OTUD7A: variants seen among roughly 807,000 people sequenced by gnomAD.
OTUD7A encodes OTU domain-containing protein 7A.
Under a neutral mutation model 65.7 loss-of-function variants are expected in OTUD7A, and 12 were observed. The ratio of observed to expected loss-of-function variants is 0.18; its 90% CI spans 0.12 to 0.30. The LOEUF (loss-of-function observed/expected upper bound fraction) is 0.30. OTUD7A is among the 10% of genes least tolerant of loss of function. The probability of loss-of-function intolerance (pLI) is 1.00; values close to 1 mark genes in which losing one functional copy is unlikely to be tolerated. For missense variants in OTUD7A, 1,148 were observed against 1,304.8 expected (o/e 0.88, Z 1.85); for synonymous variants, 641 against 586.3 (o/e 1.09, Z -1.35).
chr15:31,557,926 T>C lies in OTUD7A; in HGVS notation c.550+1043A>G, dbSNP rs1242446079. On this transcript the variant is annotated intron_variant, in intron 5 of 12. Coordinates refer to ENST00000307050, the MANE Select transcript of OTUD7A (RefSeq NM_001382637.1). ...CCCTAAACTCCTGGGATGACACATC[T>C]GGGGACGTCTCCACGGACCAAGCCT... is the stretch of plus-strand genomic sequence containing the variant. 2.6e-5 allele frequency: 4 copies of C among 151,400 alleles called. No individual in the cohort carries two copies. In the Admixed American group the frequency reaches 2.6e-4, roughly 10 times the overall value. The allele number at this position is 151,400 out of a possible 1,614,324, so 9.4% of individuals were successfully genotyped here.
rs951853888 is a variant in OTUD7A at position 31,632,562 on chromosome 15, CG to C, written c.151+22533del. On this transcript the variant is annotated intron_variant, in intron 3 of 12. Transcript: ENST00000307050. ...GGGGGTGCCTCCCAGTTAGGCTGCT[CG>C]GGGGTCAAGGACCCACTTGAGGAGG... 7.2e-5 allele frequency among the ~76,000 whole-genome samples: 11 copies of C among 152,350 alleles called. No homozygotes were observed. The East Asian group carries it at 1.9e-3, about 27-fold the overall frequency.
intron 8 of OTUD7A, among the ~76,000 whole-genome samples, chr15:31,504,594 G>C (rs897494164): frequency 2.6e-5 from 4 of 152,246 alleles, no homozygotes; most frequent in African/African-American, 9.6e-5. Context: ...GGCTGCACCT[G>C]CAGTGCCTGC....
intron 8 of OTUD7A, 64 bp from the exon 9 acceptor site, chr15:31,503,882 G>A: frequency 6.3e-7 from 1 of 1,591,522 alleles, no homozygotes; most frequent in Non-Finnish European, 8.6e-7. Context: ...GAGAAAGTGG[G>A]GACTGCTTCA....
At chr15:31,743,244 T>C (rs1894389003) in intron 1 of OTUD7A, among the ~76,000 whole-genome samples, 1 of 151,932 alleles carries the variant, frequency 6.6e-6, no homozygotes, top group African/African-American at 2.4e-5. Flanking sequence ...AATGCTGAGA[T>C]AACACAGAAT....
At chr15:31,732,269 G>A (rs1894064940) in intron 1 of OTUD7A, among the ~76,000 whole-genome samples, 1 of 152,218 alleles carries the variant, frequency 6.6e-6, no homozygotes, top group African/African-American at 2.4e-5. Context: ...AGTTATTCCT[G>A]ACTGGTACAC....
chr15:31,483,329 G>A lies in OTUD7A; in HGVS notation c.2767C>T (p.Arg923Trp), dbSNP rs992481696. The change falls in exon 13 of 13, where the codon CGG becomes TGG. Residue 923 changes from arginine (R) to tryptophan (W), a missense_variant. By Grantham distance (101) the Arg-to-Trp change is moderately radical. This residue lies in a region of OTUD7A where 842 missense variants were observed against 769.5 expected (regional missense o/e 1.09). Coordinates refer to ENST00000307050, the MANE Select transcript of OTUD7A (RefSeq NM_001382637.1). ...YCSYCYREEL[R>W]RRREARGARP ...GCCCCGCGCGCCTCGCGCCGCCGCCGCAGCTCCTCGCGGTAGCAGTAGGAG... is the reference window on the plus strand; with the variant it reads ...GCCCCGCGCGCCTCGCGCCGCCGCCACAGCTCCTCGCGGTAGCAGTAGGAG... 6 of 1,219,150 alleles carry A rather than the reference G, an allele frequency of 4.9e-6. No individual in the cohort carries two copies. Among genetic ancestry groups the A allele is most frequent in the Middle Eastern group, 3.3e-4 (1 of 3,028 alleles). The allele number at this position is 1,219,150 out of a possible 1,614,324, so 75.5% of individuals were successfully genotyped here.
chr15:31,534,209 C>A (rs1887722483), intron 5 of OTUD7A, among the ~76,000 whole-genome samples: 1 of 152,062 alleles, frequency 6.6e-6, no homozygotes, highest in South Asian at 2.1e-4. Flanking sequence ...GTAACATATA[C>A]AAAGAACTAT....
intron 4 of OTUD7A, among the ~76,000 whole-genome samples, chr15:31,561,784 T>TCACA (rs3075495): frequency 0.042 from 6,313 of 150,470 alleles, 262 homozygotes; most frequent in African/African-American, 0.1. Context: ...ACACACAGAG[T>TCACA]CACACACACA....
intron 1 of OTUD7A, among the ~76,000 whole-genome samples, chr15:31,861,768 G>C (rs1897747945): frequency 6.6e-6 from 1 of 152,190 alleles, no homozygotes; most frequent in South Asian, 2.1e-4. Flanking sequence ...CCCAATAGCT[G>C]CAGACCCACA....
intron 8 of OTUD7A, among the ~76,000 whole-genome samples, chr15:31,520,623 A>G (rs560484864): frequency 3.3e-4 from 51 of 152,252 alleles, no homozygotes; most frequent in Non-Finnish European, 6.2e-4. Flanking sequence ...TCAAAAGCAA[A>G]TGTAACAAAA....
chr15:31,655,068 G>A, intron 3 of OTUD7A, 28 bp downstream of exon 3: 1 of 1,610,238 alleles, frequency 6.2e-7, no homozygotes, highest in Non-Finnish European at 8.5e-7. Flanking sequence ...CCAGAATGGT[G>A]GTGTGGGGAA....
chr15:31,476,474 A>C lies in OTUD7A; in HGVS notation c.*6820T>G, dbSNP rs2141049303. 1 of 152,422 alleles carries C rather than the reference A, an allele frequency of 6.6e-6. No individual in the cohort carries two copies. The highest frequency in any genetic ancestry group is 1.9e-4 in the East Asian group (1 of 5,190). The allele number at this position is 152,422 out of a possible 1,614,324, so 9.4% of individuals were successfully genotyped here. A position where few individuals can be genotyped will look rare whatever the true frequency, so the allele number is the denominator to read the frequency against. On this transcript the variant is annotated 3_prime_UTR_variant, in exon 13 of 13. Transcript: ENST00000307050. The stretch of plus-strand genomic sequence containing the variant: ...CTTCACGGACACCTGCCATGGAGAA[A>C]GTTTGCATGGGCCAAGGGGGCAGGC...
In OTUD7A at chr15:31,704,616, A is replaced by G. The variant is rs536757840; in HGVS notation, c.-99-47539T>C. Reference sequence around the variant, plus strand: ...CTGTTCACAGAGCTACTTTAATTAAAGATATCTCTTTAATTAAAGGTACGG... The same window carrying G: ...CTGTTCACAGAGCTACTTTAATTAAGGATATCTCTTTAATTAAAGGTACGG... On this transcript the variant is annotated intron_variant, in intron 1 of 12. Coordinates refer to ENST00000307050, the MANE Select transcript of OTUD7A (RefSeq NM_001382637.1). 3.1e-4 allele frequency among the ~76,000 whole-genome samples: 47 copies of G among 151,328 alleles called. No individual in the cohort carries two copies. In the South Asian group the frequency reaches 9.7e-3, roughly 31 times the overall value.
At chr15:31,793,326 C>CA (rs1895868596) in intron 1 of OTUD7A, among the ~76,000 whole-genome samples, 1 of 152,178 alleles carries the variant, frequency 6.6e-6, no homozygotes, top group African/African-American at 2.4e-5. Flanking sequence ...GAGAACCCCA[C>CA]ACTGTGTCCA....
At chr15:31,488,452 C>T (rs994522126) in intron 10 of OTUD7A, among the ~76,000 whole-genome samples, 16 of 152,086 alleles carry the variant, frequency 1.1e-4, no homozygotes, top group African/African-American at 2.4e-5. Flanking sequence ...ACGGTTGACT[C>T]CTCCCAAGGG....
At chr15:31,490,882 T>C (rs2041309310) in intron 10 of OTUD7A, among the ~76,000 whole-genome samples, 1 of 151,880 alleles carries the variant, frequency 6.6e-6, no homozygotes, top group South Asian at 2.1e-4. Flanking sequence ...GCACTAAGGG[T>C]CATCTTCTGT....
At chr15:31,821,288 A>G (rs1595792705) in intron 1 of OTUD7A, among the ~76,000 whole-genome samples, 1 of 145,222 alleles carries the variant, frequency 6.9e-6, no homozygotes, top group African/African-American at 2.6e-5. Context: ...GGCGTGTGCC[A>G]CCACGCCCAG....
chr15:31,511,399 G>A (rs2041741710), intron 8 of OTUD7A, among the ~76,000 whole-genome samples: 1 of 3,784 alleles, frequency 2.6e-4, no homozygotes, highest in African/African-American at 3.5e-3. Context: ...ACATATATAT[G>A]TATATCTATA....
intron 1 of OTUD7A, among the ~76,000 whole-genome samples, chr15:31,715,522 C>G (rs1010122161): frequency 1.3e-5 from 2 of 150,172 alleles, no homozygotes; most frequent in African/African-American, 5.0e-5. Context: ...CACTGCAGTA[C>G]CAATCACTTC....
Sources: gnomAD v4.1 joint callset for allele counts (sites outside exome capture counted in the v4.1 genomes callset) on GRCh38, gnomAD v4.1.1 for gene constraint, gnomAD v4.1.1 regional missense constraint, MANE v1.5 for transcripts, NCBI Gene and HGNC (gene_info 2026-07-23, HGNC 2026-07-21) for gene names.